The following LIPF variants were observed in gnomAD, a reference collection of about 807,000 sequenced individuals.
LIPF encodes the protein gastric triacylglycerol lipase.
In LIPF, 25 loss-of-function variants were observed where a neutral mutation model predicts 38.0. The observed-to-expected ratio is 0.66, with a 90% CI of 0.48 to 0.92. The LOEUF (loss-of-function observed/expected upper bound fraction) is 0.92, where lower values mean the gene tolerates loss of function less well. Among genes scored for constraint, LIPF ranks in the 40% least tolerant of loss-of-function variants. The pLI, the probability that LIPF is intolerant of heterozygous loss-of-function variation, is 0.00. For synonymous variants in LIPF, 161 were observed against 156.2 expected, an observed-to-expected ratio of 1.03 and a Z score of -0.23; for missense variants, 410 against 469.9, an observed-to-expected ratio of 0.87 and a Z score of 1.18.
chr10:88,677,847 C>T (rs1279369667), intron 9 of LIPF, among the ~76,000 whole-genome samples: 1 of 152,116 alleles, frequency 6.6e-6, no homozygotes, highest in East Asian at 1.9e-4. Context: ...TGATAATACC[C>T]TTTCTCAGAA....
intron 9 of LIPF, among the ~76,000 whole-genome samples, chr10:88,678,163 T>G (rs958291458): frequency 2.6e-5 from 4 of 152,216 alleles, no homozygotes; most frequent in Non-Finnish European, 4.4e-5. Flanking sequence ...GCATCACCTA[T>G]GAATGCAGAA....
intron 5 of LIPF, among the ~76,000 whole-genome samples, chr10:88,671,425 AAC>A: frequency 6.6e-6 from 1 of 152,152 alleles, no homozygotes; most frequent in Non-Finnish European, 1.5e-5. Flanking sequence ...TTCTACTCTT[AAC>A]CTTTCCACTT....
intron 8 of LIPF, 65 bp from the exon 9 acceptor site, chr10:88,676,144 G>A: frequency 1.0e-6 from 1 of 957,472 alleles, no homozygotes. Flanking sequence ...GCTTGGAAAT[G>A]TTTGAATTTT....
At chr10:88,675,852 C>CT (rs1841678598) in intron 8 of LIPF, among the ~76,000 whole-genome samples, 195 bp downstream of exon 8, 1 of 151,968 alleles carries the variant, frequency 6.6e-6, no homozygotes, top group Non-Finnish European at 1.5e-5. Flanking sequence ...TATTATTATA[C>CT]TTTAAGTTTT....
At chr10:88,671,784 A>C (rs1387710979) in intron 5 of LIPF, 45 bp from the exon 6 acceptor site, 1 of 1,549,422 alleles carries the variant, frequency 6.5e-7, no homozygotes, top group Non-Finnish European at 8.7e-7. Context: ...CAACAACAAC[A>C]ACACACACAC....
At chr10:88,666,848 C>T (rs559190048) in intron 1 of LIPF, among the ~76,000 whole-genome samples, 2 of 152,270 alleles carry the variant, frequency 1.3e-5, no homozygotes, top group Admixed American at 6.5e-5. Flanking sequence ...TTTGAACACA[C>T]GTTATACAGA....
chr10:88,667,435 T>C (rs749686257), intron 2 of LIPF, 33 bp downstream of exon 2: 7 of 1,255,842 alleles, frequency 5.6e-6, no homozygotes, highest in Non-Finnish European at 8.1e-6. Flanking sequence ...TCTATAAAAC[T>C]AAAAGATGCT....
rs771679582 is a variant in LIPF, at chr10:88,678,525, C to T, written c.1041C>T (p.Asp347=). The change falls in exon 10 of 10, where the codon GAC becomes GAT. Residue 347 remains aspartate, a synonymous_variant. Transcript: ENST00000238983. Reference sequence around the variant, plus strand: ...ACGGTGGCAAGGACCTGTTGGCTGACCCCCAAGATGTTGGCCTTTTGCTTC... The same window carrying T: ...ACGGTGGCAAGGACCTGTTGGCTGATCCCCAAGATGTTGGCCTTTTGCTTC... The part of the protein sequence containing the change: ...VWNGGKDLLA[D]PQDVGLLLPK... 2 of 1,613,950 alleles carry T rather than the reference C, an allele frequency of 1.2e-6. No homozygotes were observed. Among genetic ancestry groups the T allele is most frequent in the Non-Finnish European group, 1.7e-6 (2 of 1,179,910 alleles).
rs68081693 is a variant in LIPF, at chr10:88,665,737, A to ATTTTTTT, written c.-12+1264_-12+1270dup. On this transcript the variant is annotated intron_variant, in intron 1 of 9. Transcript: ENST00000238983. ...AAAAACAAGGCTTAGTTAAAAACTG[A>ATTTTTTT]TTTTTTTTTTTTTTTTTTTTTTTTG... Among the ~76,000 whole-genome samples the ATTTTTTT allele has an allele frequency of 2.5e-3, 253 of 100,228 alleles. 7 individuals are homozygous for ATTTTTTT. Among genetic ancestry groups the ATTTTTTT allele is most frequent in the African/African-American group, 7.0e-3 (190 of 27,116 alleles). The allele number at this position is 100,228 out of a possible 152,430, so 65.8% of individuals were successfully genotyped here. A position where few individuals can be genotyped will look rare whatever the true frequency, so the allele number is the denominator to read the frequency against.
At chr10:88,673,781 A>G in intron 7 of LIPF, 47 bp downstream of exon 7, 1 of 1,524,980 alleles carries the variant, frequency 6.6e-7, no homozygotes, top group Non-Finnish European at 9.0e-7. Flanking sequence ...ATCTTTGATT[A>G]CTTGTTTCAT....
At chr10:88,670,473 G>A (rs1841578042) in intron 5 of LIPF, among the ~76,000 whole-genome samples, 1 of 152,204 alleles carries the variant, frequency 6.6e-6, no homozygotes, top group Non-Finnish European at 1.5e-5. Context: ...CACAGAAATT[G>A]TAGATTGGTA....
At position 88,678,743 on chromosome 10, in the gene LIPF, A is replaced by G. The variant is rs190716236; in HGVS notation, c.*62A>G. On this transcript the variant is annotated 3_prime_UTR_variant, in exon 10 of 10. Transcript: ENST00000238983. Reference sequence around the variant, plus strand: ...AATACTTTATTCTCTCATACATAGTATTTTCATAATGTTTGACATGCAGTG... The same window carrying G: ...AATACTTTATTCTCTCATACATAGTGTTTTCATAATGTTTGACATGCAGTG... 3 of 1,109,706 alleles carry G rather than the reference A, an allele frequency of 2.7e-6. No individual in the cohort carries two copies. Among genetic ancestry groups the G allele is most frequent in the Admixed American group, 2.0e-5 (1 of 51,196 alleles). 68.7% of individuals were successfully genotyped at this position (1,109,706 alleles called of 1,614,324 possible).
At chr10:88,667,811 T>C (rs17333775) in intron 3 of LIPF, 125 bp downstream of exon 3, 1 of 575,216 alleles carries the variant, frequency 1.7e-6, no homozygotes, top group African/African-American at 1.9e-5. Context: ...TTCCTCCTTT[T>C]ATTTCTTGCT....
At chr10:88,674,488 T>A (rs1346068594) in intron 7 of LIPF, among the ~76,000 whole-genome samples, 1 of 152,214 alleles carries the variant, frequency 6.6e-6, no homozygotes, top group Non-Finnish European at 1.5e-5. Context: ...ATATTCTTTA[T>A]CTACCTTTTC....
chr10:88,665,259 A>G (rs1260049407), intron 1 of LIPF, among the ~76,000 whole-genome samples: 1 of 152,208 alleles, frequency 6.6e-6, no homozygotes, highest in African/African-American at 2.4e-5. Flanking sequence ...CATAATAACT[A>G]TATTTAACTA....
intron 1 of LIPF, chr10:88,665,486 C>A: frequency 6.1e-6 from 9 of 1,464,170 alleles, no homozygotes; most frequent in Non-Finnish European, 8.3e-6. Context: ...TAGGACTTGG[C>A]AACAAGCATT....
chr10:88,671,685 A>G (rs1218178993), intron 5 of LIPF, 144 bp from the exon 6 acceptor site: 4 of 1,075,366 alleles, frequency 3.7e-6, no homozygotes, highest in Non-Finnish European at 5.3e-6. Flanking sequence ...CTAATCACTG[A>G]GCCAGCAGAG....
intron 1 of LIPF, among the ~76,000 whole-genome samples, chr10:88,665,826 C>T (rs970222053): frequency 2.0e-5 from 3 of 149,072 alleles, no homozygotes; most frequent in African/African-American, 4.9e-5. Flanking sequence ...TCACTGCAAC[C>T]TCCGCCTCCT....
Position 88,678,765 on chromosome 10 carries a change from A to G in LIPF, c.*84A>G, listed in dbSNP as rs1590116711. The G allele has an allele frequency of 1.2e-6, 1 of 849,748 alleles. No homozygotes were observed. Among genetic ancestry groups the G allele is most frequent in the East Asian group, 2.6e-5 (1 of 39,094 alleles). 52.6% of individuals were successfully genotyped at this position (849,748 alleles called of 1,614,324 possible). A position where few individuals can be genotyped will look rare whatever the true frequency, so the allele number is the denominator to read the frequency against. On this transcript the variant is annotated 3_prime_UTR_variant, in exon 10 of 10. Coordinates refer to ENST00000238983, the MANE Select transcript of LIPF (RefSeq NM_004190.4). ...AGTATTTTCATAATGTTTGACATGC[A>G]GTGCTTCTTTCTGTAATTTTGACTT...
Sources: gnomAD v4.1 joint callset for allele counts (sites outside exome capture counted in the v4.1 genomes callset) on GRCh38, gnomAD v4.1.1 for gene constraint, MANE v1.5 for transcripts, NCBI Gene and HGNC (gene_info 2026-07-23, HGNC 2026-07-21) for gene names.